Variants in PCSK4 observed in about 807,000 individuals in gnomAD.
PCSK4 encodes the protein proprotein convertase subtilisin/kexin type 4.
In PCSK4, 64 loss-of-function variants were observed where a neutral mutation model predicts 80.3. The ratio of observed to expected loss-of-function variants is 0.80; its 90% confidence interval spans 0.65 to 0.98. The LOEUF (loss-of-function observed/expected upper bound fraction) is 0.98, where lower values mean the gene tolerates loss of function less well. Among genes scored for constraint, PCSK4 ranks in the 50% least tolerant of loss-of-function variants. The pLI is 0.00. For synonymous variants in PCSK4, 561 were observed against 487.6 expected (o/e 1.15, Z -1.98); for missense variants, 1,213 against 1,093.6 (o/e 1.11, Z -1.54).
chr19:1,488,247 G>T, exon 3 of PCSK4: 2 of 1,613,426 alleles, frequency 1.2e-6, no homozygotes, highest in Non-Finnish European at 1.7e-6. Flanking sequence ...CGTTTCACCC[G>T]CCGCTGCAGC....
chr19:1,487,499 A>G, intron 6 of PCSK4, 104 bp downstream of exon 6: 1 of 1,088,878 alleles, frequency 9.2e-7, no homozygotes, highest in Non-Finnish European at 1.3e-6. Context: ...AGCACCACCC[A>G]GCAGTGAGAG....
exon 1 of PCSK4, chr19:1,490,381 C>T (rs1599260340): frequency 1.2e-6 from 1 of 806,744 alleles, no homozygotes; most frequent in African/African-American, 1.9e-5. Flanking sequence ...GCGCAAATCC[C>T]CTCCCTCCCG....
At chr19:1,486,781 TG>T in intron 8 of PCSK4, 71 bp downstream of exon 8, 1 of 1,285,272 alleles carries the variant, frequency 7.8e-7, no homozygotes, top group Non-Finnish European at 1.1e-6. Flanking sequence ...GTCACAGTGG[TG>T]GGGACAGGAG....
chr19:1,483,017 G>C, exon 13 of PCSK4: 3 of 1,570,742 alleles, frequency 1.9e-6, no homozygotes, highest in Non-Finnish European at 2.6e-6. Flanking sequence ...TGACGTCCAA[G>C]GGTCTGGGAC....
At chr19:1,489,033 A>G (rs1385884593) in intron 2 of PCSK4, among the ~76,000 whole-genome samples, 1 of 150,894 alleles carries the variant, frequency 6.6e-6, no homozygotes, top group Non-Finnish European at 1.5e-5. Context: ...CATCCCAGGC[A>G]TTTTCTAGAC....
At chr19:1,490,224 C>G in exon 1 of PCSK4, 1 of 1,613,156 alleles carries the variant, frequency 6.2e-7, no homozygotes, top group African/African-American at 1.3e-5. Flanking sequence ...CCTGGGACAC[C>G]TGGACGGCCC....
chr19:1,483,119 C>T (rs2084392787), intron 12 of PCSK4, 99 bp from the exon 13 acceptor site: 8 of 1,285,276 alleles, frequency 6.2e-6, no homozygotes, highest in South Asian at 1.5e-5. Flanking sequence ...CGCTGGTGGC[C>T]GCGTGTCCTC....
intron 2 of PCSK4, 22 bp downstream of exon 2, chr19:1,489,771 T>A (rs791468): frequency 6.3e-7 from 1 of 1,594,096 alleles, no homozygotes; most frequent in Non-Finnish European, 8.5e-7. Flanking sequence ...GGGCAGGGGG[T>A]TGGCCTCCAG....
intron 13 of PCSK4, 50 bp downstream of exon 13, chr19:1,482,846 G>A (rs761697567): frequency 6.3e-7 from 1 of 1,596,492 alleles, no homozygotes; most frequent in Non-Finnish European, 8.6e-7. Context: ...GCCCCTGGGG[G>A]GAGGTTGGAG....
rs1599213704 is a variant in PCSK4 at position 1,484,214 on chromosome 19, G to C, written c.1069-87C>G. ...AAAAAGTACCAAGGACTGGGCGGGC[G>C]CAGTGGCTCAGGCCTGTCATCCCAG... On this transcript the variant is annotated intron_variant, in intron 8 of 14. Transcript: ENST00000300954. The C allele has an allele frequency of 1.2e-5, 9 of 765,840 alleles. No individual in the cohort carries two copies. In the East Asian group the frequency reaches 2.6e-4, roughly 22 times the overall value. The allele number at this position is 765,840 out of a possible 1,614,324, so 47.4% of individuals were successfully genotyped here. A position where few individuals can be genotyped will look rare whatever the true frequency, so the allele number is the denominator to read the frequency against.
chr19:1,482,245 C>T, intron 14 of PCSK4, 38 bp from the exon 15 acceptor site: 1 of 1,522,870 alleles, frequency 6.6e-7, no homozygotes, highest in Non-Finnish European at 8.8e-7. Context: ...CGTCAGCTTG[C>T]CACCCGCAGC....
intron 13 of PCSK4, 134 bp downstream of exon 13, chr19:1,482,762 A>G (rs191716610): frequency 1.0e-6 from 1 of 952,462 alleles, no homozygotes; most frequent in African/African-American, 1.6e-5. Context: ...CTGCACGCCT[A>G]CTGTGTGCAT....
At chr19:1,489,949 AG>A (rs2084854256) in intron 1 of PCSK4, 52 bp from the exon 2 acceptor site, 1 of 1,557,994 alleles carries the variant, frequency 6.4e-7, no homozygotes, top group Non-Finnish European at 8.7e-7. Context: ...CCCCTGCTGA[AG>A]CCCCCGAGGG....
intron 1 of PCSK4, 80 bp downstream of exon 1, chr19:1,490,078 G>A (rs1451594778): frequency 2.4e-5 from 37 of 1,559,104 alleles, no homozygotes; most frequent in Non-Finnish European, 3.0e-5. Flanking sequence ...GACCTTGTGG[G>A]CTCCCTCCCC....
In PCSK4 at chr19:1,488,185, C is replaced by T. The variant is rs767935589; in HGVS notation, c.387+3G>A. The T allele has an allele frequency of 4.4e-5, 71 of 1,613,494 alleles. No homozygotes were observed. Among genetic ancestry groups the T allele is most frequent in the Middle Eastern group, 3.3e-4 (2 of 6,082 alleles). ...CGTCTACCCACCCTGGCTGCCTGCT[C>T]ACCATGTACCACTGCTTGGAGAACC... On this transcript the variant is annotated splice_donor_region_variant and intron_variant, in intron 3 of 14. Coordinates refer to ENST00000300954, the Ensembl canonical transcript of PCSK4.
intron 2 of PCSK4, 86 bp from the exon 3 acceptor site, chr19:1,488,366 TG>T (rs1009267213): frequency 4.1e-6 from 4 of 969,884 alleles, no homozygotes; most frequent in African/African-American, 3.2e-5. Context: ...CCCCGTGCCC[TG>T]GGACCCTGTG....
chr19:1,488,010 A>T, exon 4 of PCSK4: 1 of 1,613,514 alleles, frequency 6.2e-7, no homozygotes, highest in African/African-American at 1.3e-5. Context: ...GCCATCGTCC[A>T]GCACAGAGAC....
chr19:1,490,035 G>A (rs917512340), intron 1 of PCSK4, 123 bp downstream of exon 1: 4 of 1,519,762 alleles, frequency 2.6e-6, no homozygotes, highest in Non-Finnish European at 3.5e-6. Flanking sequence ...CTTGGCTGAG[G>A]CAGGGGTGGG....
rs993907009 is a variant in PCSK4, at chr19:1,483,829, C to T, written c.1273+9G>A. 28 of 1,492,018 alleles carry T rather than the reference C, an allele frequency of 1.9e-5. No individual in the cohort carries two copies. The highest frequency in any genetic ancestry group is 2.9e-5 in the African/African-American group (2 of 68,686). 92.4% of individuals were successfully genotyped at this position (1,492,018 alleles called of 1,614,324 possible). On this transcript the variant is annotated intron_variant, in intron 10 of 14. Transcript: ENST00000300954. ...CCCGGGTCCCCGCCCCCGCCCGGCC[C>T]CGCCGCACCTTGGCGCCCCACGCCG...
Sources: gnomAD v4.1 joint callset for allele counts (sites outside exome capture counted in the v4.1 genomes callset) on GRCh38, gnomAD v4.1.1 for gene constraint, MANE v1.5 for transcripts, NCBI Gene and HGNC (gene_info 2026-07-23, HGNC 2026-07-21) for gene names.